The following AGBL4 variants were observed in gnomAD, a reference collection of about 807,000 sequenced individuals.
AGBL4 encodes the protein cytosolic carboxypeptidase 6.
In AGBL4, 58 loss-of-function variants were observed where a neutral mutation model predicts 66.4. The observed-to-expected ratio is 0.87, with a 90% CI of 0.71 to 1.09. The LOEUF is 1.09. Ranked by LOEUF, AGBL4 falls within the 50% of genes least tolerant of loss-of-function variation. The probability of loss-of-function intolerance (pLI) is 0.00; values close to 1 mark genes in which losing one functional copy is unlikely to be tolerated. For missense variants in AGBL4, 579 were observed against 631.0 expected, an observed-to-expected ratio of 0.92 and a Z score of 0.88; for synonymous variants, 234 against 222.9, an observed-to-expected ratio of 1.05 and a Z score of -0.44.
chr1:49,885,547 T>A (rs1464289683), intron 1 of AGBL4, among the ~76,000 whole-genome samples: 1 of 152,038 alleles, frequency 6.6e-6, no homozygotes, highest in Non-Finnish European at 1.5e-5. Context: ...TAATTCTCCC[T>A]AGTCACATAG....
intron 3 of AGBL4, among the ~76,000 whole-genome samples, chr1:49,269,606 T>C (rs1644009147): frequency 6.6e-6 from 1 of 152,138 alleles, no homozygotes; most frequent in Non-Finnish European, 1.5e-5. Context: ...AAAGACCATG[T>C]TGTTAGTCAA....
At chr1:49,414,223 G>A (rs1645379159) in intron 3 of AGBL4, among the ~76,000 whole-genome samples, 1 of 152,080 alleles carries the variant, frequency 6.6e-6, no homozygotes, top group Non-Finnish European at 1.5e-5. Context: ...ATATAGTGTA[G>A]TGCTATATTG....
rs527529353 is a variant in AGBL4, at chr1:49,144,989, G to C, written c.378-99189C>G. Among the ~76,000 whole-genome samples, 4 of 152,128 alleles carry C rather than the reference G, an allele frequency of 2.6e-5. No individual in the cohort carries two copies. The South Asian group carries it at 6.2e-4, about 24-fold the overall frequency. Reference sequence around the variant, plus strand: ...GAAGATGTGGGAGAGAAAGTTGCTGGAGCTAAGGTAAGAAAGACAGGATGG... The same window carrying C: ...GAAGATGTGGGAGAGAAAGTTGCTGCAGCTAAGGTAAGAAAGACAGGATGG... On this transcript the variant is annotated intron_variant, in intron 4 of 13. Transcript: ENST00000371839.
At chr1:49,272,840 A>G (rs1262858920) in intron 3 of AGBL4, among the ~76,000 whole-genome samples, 1 of 152,162 alleles carries the variant, frequency 6.6e-6, no homozygotes, top group African/African-American at 2.4e-5. Flanking sequence ...CCAGCCTAAT[A>G]CTTGTCAAGT....
intron 3 of AGBL4, among the ~76,000 whole-genome samples, chr1:49,344,100 G>T (rs1436969702): frequency 6.6e-6 from 1 of 152,102 alleles, no homozygotes; most frequent in Non-Finnish European, 1.5e-5. Flanking sequence ...GGCTATGCTG[G>T]AAAGAGTCAG....
intron 3 of AGBL4, among the ~76,000 whole-genome samples, chr1:49,427,786 G>A (rs568510077): frequency 1.3e-5 from 2 of 152,234 alleles, no homozygotes; most frequent in African/African-American, 2.4e-5. Flanking sequence ...GCTGCTGCTG[G>A]CTGGGTGGCC....
intron 3 of AGBL4, among the ~76,000 whole-genome samples, chr1:49,391,791 G>T (rs1405532151): frequency 6.6e-6 from 1 of 152,000 alleles, no homozygotes; most frequent in Non-Finnish European, 1.5e-5. Context: ...TTGATCTCCT[G>T]ACCTCGTGAT....
intron 9 of AGBL4, among the ~76,000 whole-genome samples, chr1:48,616,545 C>T (rs1364678867): frequency 6.6e-6 from 1 of 152,192 alleles, no homozygotes; most frequent in Non-Finnish European, 1.5e-5. Context: ...ATAAGGTTTA[C>T]AACCCAATTG....
At chr1:49,284,918 A>G (rs943512420) in intron 3 of AGBL4, among the ~76,000 whole-genome samples, 5 of 150,496 alleles carry the variant, frequency 3.3e-5, no homozygotes, top group African/African-American at 1.2e-4. Flanking sequence ...CCACACATTA[A>G]TAATGGGAGA....
At chr1:49,527,969 T>C (rs1445351505) in intron 3 of AGBL4, among the ~76,000 whole-genome samples, 1 of 152,100 alleles carries the variant, frequency 6.6e-6, no homozygotes, top group Non-Finnish European at 1.5e-5. Context: ...CCCCAGGTCA[T>C]AGCTGATTGA....
rs563757363 is a variant in AGBL4 at position 49,280,526 on chromosome 1, G to C, written c.283-34662C>G. 9.9e-5 allele frequency among the ~76,000 whole-genome samples: 15 copies of C among 152,246 alleles called. 1 individual carries two copies. The South Asian group carries it at 3.1e-3, about 32-fold the overall frequency. On this transcript the variant is annotated intron_variant, in intron 3 of 13. Coordinates refer to ENST00000371839, the MANE Select transcript of AGBL4 (RefSeq NM_032785.4). ...AATAAACCAGAGGACTGAGTGCCAG[G>C]AGTTTAACAGACAAAAGTCTTTAGG...
At chr1:49,209,156 C>T (rs1269925969) in intron 4 of AGBL4, among the ~76,000 whole-genome samples, 1 of 152,074 alleles carries the variant, frequency 6.6e-6, no homozygotes, top group African/African-American at 2.4e-5. Flanking sequence ...TTTTAAAACT[C>T]ATATAATTAC....
At chr1:48,576,722 G>T (rs1644659717) in intron 11 of AGBL4, among the ~76,000 whole-genome samples, 1 of 152,146 alleles carries the variant, frequency 6.6e-6, no homozygotes, top group African/African-American at 2.4e-5. Context: ...TGAACACACA[G>T]TTCCCAGGGT....
intron 6 of AGBL4, among the ~76,000 whole-genome samples, chr1:48,782,918 A>G (rs143124190): frequency 1.3e-5 from 2 of 152,268 alleles, no homozygotes; most frequent in East Asian, 1.9e-4. Context: ...TGTTCCACCT[A>G]TTTAGCCCAC....
chr1:48,707,296 AAACAACAAC>A (rs891263367), intron 6 of AGBL4, among the ~76,000 whole-genome samples: 3 of 151,996 alleles, frequency 2.0e-5, no homozygotes, highest in Non-Finnish European at 4.4e-5. Flanking sequence ...CCTATATCCA[AAACAACAAC>A]AACAACAACA....
chr1:49,656,041 G>T (rs1308087170), intron 3 of AGBL4, among the ~76,000 whole-genome samples: 1 of 152,076 alleles, frequency 6.6e-6, no homozygotes, highest in Non-Finnish European at 1.5e-5. Flanking sequence ...CAGTTACTGG[G>T]GAGGCTGAGG....
At chr1:49,661,258 A>G (rs1440489404) in intron 3 of AGBL4, among the ~76,000 whole-genome samples, 1 of 152,162 alleles carries the variant, frequency 6.6e-6, no homozygotes, top group African/African-American at 2.4e-5. Context: ...ACACCTATCA[A>G]ACTATCTCAA....
intron 3 of AGBL4, among the ~76,000 whole-genome samples, chr1:49,594,229 T>C (rs1644808144): frequency 6.6e-6 from 1 of 152,194 alleles, no homozygotes; most frequent in Non-Finnish European, 1.5e-5. Flanking sequence ...CTAATATCAT[T>C]GGTTATCTCC....
intron 4 of AGBL4, chr1:49,187,644 G>A (rs1306000637): frequency 6.6e-6 from 1 of 151,974 alleles, no homozygotes; most frequent in East Asian, 1.9e-4. Flanking sequence ...ATTCTTCAAT[G>A]GATCCAAAAC....
Sources: gnomAD v4.1 joint callset for allele counts (sites outside exome capture counted in the v4.1 genomes callset) on GRCh38, gnomAD v4.1.1 for gene constraint, MANE v1.5 for transcripts, NCBI Gene and HGNC (gene_info 2026-07-23, HGNC 2026-07-21) for gene names.